Variants in MYH13 observed in about 807,000 individuals in gnomAD.
MYH13 encodes the protein myosin heavy chain 13, also known as myosin-13.
In MYH13, 177 loss-of-function variants were observed where a neutral mutation model predicts 232.1. The observed-to-expected ratio is 0.76, with a 90% CI of 0.67 to 0.86. The LOEUF (loss-of-function observed/expected upper bound fraction) is 0.86, where lower values mean the gene tolerates loss of function less well. Ranked by LOEUF, MYH13 falls within the 40% of genes least tolerant of loss-of-function variation. The probability of loss-of-function intolerance (pLI) is 0.00; values close to 1 mark genes in which losing one functional copy is unlikely to be tolerated. For missense variants in MYH13, 2,246 were observed against 2,405.9 expected (o/e 0.93, Z 1.39); for synonymous variants, 884 against 923.5 (o/e 0.96, Z 0.78).
rs540714551 is a variant in MYH13, at chr17:10,306,070, A to C, written c.5466+389T>G. Among the ~76,000 whole-genome samples the C allele has an allele frequency of 2.6e-5, 4 of 152,318 alleles. No homozygotes were observed. The East Asian group carries it at 7.7e-4, about 29-fold the overall frequency. On this transcript the variant is annotated intron_variant, in intron 37 of 40. Coordinates refer to ENST00000252172, the MANE Select transcript of MYH13 (RefSeq NM_003802.3). This position sits in a 1 kb window ranked among gnomAD's most constrained non-coding sequence, Gnocchi z 4.3. ...GAAGCTTGGTCCAAAATGTAAATGC[A>C]TCAAAATGAGTAATTTTATGACTGT...
intron 22 of MYH13, among the ~76,000 whole-genome samples, chr17:10,327,248 G>A (rs1293757554): frequency 6.6e-6 from 1 of 151,012 alleles, no homozygotes; most frequent in Non-Finnish European, 1.5e-5. Context: ...TGATCCTCCC[G>A]CCTCGGCCTC....
rs533620490 is a variant in MYH13 at position 10,322,783 on chromosome 17, G to A, written c.2935-1075C>T. Among the ~76,000 whole-genome samples, 1,127 of 151,972 alleles carry A rather than the reference G, an allele frequency of 7.4e-3. 5 individuals carry two copies. The highest frequency in any genetic ancestry group is 0.011 in the Non-Finnish European group (778 of 67,934). Reference sequence around the variant, plus strand: ...TGAGTAGCTGGGACTACAGGCGTCCGCCACCACGCCCGGCTAATTTTTTGT... The same window carrying A: ...TGAGTAGCTGGGACTACAGGCGTCCACCACCACGCCCGGCTAATTTTTTGT... On this transcript the variant is annotated intron_variant, in intron 23 of 40. Transcript: ENST00000252172.
At chr17:10,361,240 T>A (rs749665341) in intron 5 of MYH13, among the ~76,000 whole-genome samples, 2 of 151,842 alleles carry the variant, frequency 1.3e-5, no homozygotes, top group Non-Finnish European at 2.9e-5. Flanking sequence ...TGGACACCAT[T>A]GCATTAGATG....
intron 20 of MYH13, among the ~76,000 whole-genome samples, chr17:10,331,459 G>A (rs1567664106): frequency 6.6e-6 from 1 of 152,310 alleles, no homozygotes; most frequent in East Asian, 1.9e-4. Flanking sequence ...TGATGAGTAA[G>A]TGCCACCCTT....
At chr17:10,335,475 C>G (rs73281987) in intron 18 of MYH13, among the ~76,000 whole-genome samples, 6,436 of 152,174 alleles carry the variant, frequency 0.042, 456 homozygotes, top group African/African-American at 0.15. Context: ...AGTACAGGCC[C>G]GGTGCGATGG....
intron 22 of MYH13, among the ~76,000 whole-genome samples, chr17:10,326,630 C>A (rs1048734651): frequency 6.9e-5 from 9 of 130,348 alleles, no homozygotes; most frequent in African/African-American, 2.5e-4. Flanking sequence ...GCCACCACAC[C>A]TGGCTAATTT....
At chr17:10,324,552 T>A (rs1158372495) in intron 22 of MYH13, among the ~76,000 whole-genome samples, 2 of 152,058 alleles carry the variant, frequency 1.3e-5, no homozygotes, top group Non-Finnish European at 2.9e-5. Context: ...TTCTAGCGAT[T>A]CCCTGCCTCA....
intron 23 of MYH13, among the ~76,000 whole-genome samples, chr17:10,322,684 A>G (rs917462196): frequency 8.1e-6 from 1 of 123,596 alleles, no homozygotes; most frequent in African/African-American, 3.1e-5. Context: ...CCCAGGCTGG[A>G]GTGCAGTGGC....
chr17:10,369,090 A>T (rs2071859545), intron 2 of MYH13, among the ~76,000 whole-genome samples: 1 of 152,176 alleles, frequency 6.6e-6, no homozygotes, highest in Non-Finnish European at 1.5e-5. Context: ...TTAATTTAAT[A>T]TTTGTATGCT....
intron 11 of MYH13, among the ~76,000 whole-genome samples, chr17:10,353,931 A>AGAAGGAAGGAAGGAAGGAAGGAAGGAAG (rs10587803): frequency 2.9e-4 from 43 of 146,170 alleles, no homozygotes; most frequent in East Asian, 1.0e-3. Context: ...AAGGAAGGAA[A>AGAAGGAAGGAAGGAAGGAAGGAAGGAAG]GAAGGAAGGA....
At position 10,306,507 on chromosome 17, in the gene MYH13, T is replaced by TCA. The variant is rs1370624639; in HGVS notation, c.5417_5418insTG (p.Gln1806HisfsTer5). 6.2e-7 allele frequency: 1 copy of TCA among 1,614,152 alleles called. No homozygotes were observed. The highest frequency in any genetic ancestry group is 1.7e-5 in the Admixed American group (1 of 60,024). On this transcript the variant is annotated frameshift_variant, in exon 37 of 41. Transcript: ENST00000252172. LOFTEE classifies it high-confidence loss of function. This position sits in a 1 kb window ranked among gnomAD's most constrained non-coding sequence, Gnocchi z 4.3. The stretch of plus-strand genomic sequence containing the variant: ...GCTTCTTCCCGCCCTTCAGCGCCAG[T>TCA]TGTTCAGCCTCATCTAGACGGTGCT...
At chr17:10,368,700 G>A (rs2071856247) in intron 2 of MYH13, among the ~76,000 whole-genome samples, 1 of 152,196 alleles carries the variant, frequency 6.6e-6, no homozygotes, top group South Asian at 2.1e-4. Context: ...TTGTGAAAGA[G>A]TTTTAGCCTC....
rs1597886185 is a variant in MYH13 at position 10,314,318 on chromosome 17, G to A, written c.3985-964C>T. On this transcript the variant is annotated intron_variant, in intron 29 of 40. Coordinates refer to ENST00000252172, the MANE Select transcript of MYH13 (RefSeq NM_003802.3). ...TAATCCCAGCTACTTGGGAGGCTGA[G>A]GCAGGAGAATCACTTGAACCCAGGA... Among the ~76,000 whole-genome samples the A allele has an allele frequency of 2.0e-5, 3 of 152,040 alleles. No homozygotes were observed. The East Asian group carries it at 5.8e-4, about 30-fold the overall frequency.
At chr17:10,371,922 G>A (rs968571321) in intron 1 of MYH13, among the ~76,000 whole-genome samples, 10 of 152,152 alleles carry the variant, frequency 6.6e-5, no homozygotes, top group Admixed American at 5.9e-4. Context: ...TATAAACTAC[G>A]TGGCTATCTC....
intron 22 of MYH13, among the ~76,000 whole-genome samples, chr17:10,325,139 C>T (rs1035446954): frequency 6.6e-6 from 1 of 151,772 alleles, no homozygotes; most frequent in Non-Finnish European, 1.5e-5. Flanking sequence ...ATAATAATTT[C>T]AAACAGAGGA....
intron 12 of MYH13, among the ~76,000 whole-genome samples, chr17:10,349,901 CAGG>C (rs2071696433): frequency 6.6e-6 from 1 of 152,150 alleles, no homozygotes; most frequent in African/African-American, 2.4e-5. Context: ...TCCATGTTGC[CAGG>C]CTTTAATTCA....
chr17:10,354,837 T>G (rs1071980), intron 10 of MYH13, 54 bp from the exon 11 acceptor site: 15 of 168,784 alleles, frequency 8.9e-5, no homozygotes, highest in African/African-American at 5.4e-5. Context: ...CTCTGGGTTG[T>G]TTTTTTTTTC....
intron 2 of MYH13, 97 bp from the exon 3 acceptor site, chr17:10,364,639 A>G: frequency 1.9e-6 from 2 of 1,077,326 alleles, no homozygotes; most frequent in South Asian, 2.9e-5. Flanking sequence ...GCCAGATTCA[A>G]AGGCTCCTAG....
At chr17:10,354,020 T>G (rs1406223120) in intron 11 of MYH13, among the ~76,000 whole-genome samples, 1 of 152,188 alleles carries the variant, frequency 6.6e-6, no homozygotes, top group African/African-American at 2.4e-5. Flanking sequence ...ATATATATTT[T>G]AAGAATCAGC....
Sources: gnomAD v4.1 joint callset for allele counts (sites outside exome capture counted in the v4.1 genomes callset) on GRCh38, gnomAD v4.1.1 for gene constraint, Gnocchi (gnomAD v3.1) non-coding constraint, MANE v1.5 for transcripts, NCBI Gene and HGNC (gene_info 2026-07-23, HGNC 2026-07-21) for gene names.